The following SLC26A11 variants were observed in gnomAD, a reference collection of about 807,000 sequenced individuals.
SLC26A11 encodes the protein sodium-independent sulfate anion transporter.
A neutral mutation model predicts 62.2 loss-of-function variants in SLC26A11; 58 were observed. The observed-to-expected ratio is 0.93, with a 90% CI of 0.76 to 1.16. SLC26A11 has a LOEUF of 1.16. SLC26A11 is among the 50% of genes most tolerant of loss of function. SLC26A11 has a pLI of 0.00. For missense variants in SLC26A11, 790 were observed against 794.3 expected (o/e 0.99, Z 0.06); for synonymous variants, 411 against 368.9 (o/e 1.11, Z -1.31).
In SLC26A11 at chr17:80,241,739, C is replaced by T. The variant is rs760768528; in HGVS notation, c.986-32C>T. 1.9e-6 allele frequency: 3 copies of T among 1,609,824 alleles called. No homozygotes were observed. The South Asian group carries it at 3.3e-5, about 18-fold the overall frequency. On this transcript the variant is annotated intron_variant, in intron 9 of 17. Coordinates refer to ENST00000361193, the MANE Select transcript of SLC26A11 (RefSeq NM_001166347.2). ...ACTTTTTGAGCGATGTTGAATATTACTGACCAGGTCTTTACCGTTGGTTCC... is the reference window on the plus strand; with the variant it reads ...ACTTTTTGAGCGATGTTGAATATTATTGACCAGGTCTTTACCGTTGGTTCC...
chr17:80,237,203 G>C (rs1272419006), intron 8 of SLC26A11, 100 bp downstream of exon 8: 1 of 1,406,812 alleles, frequency 7.1e-7, no homozygotes, highest in Non-Finnish European at 9.6e-7. Context: ...GGGGTCTGAG[G>C]TCAGTTAGGA....
chr17:80,224,937 C>T (rs117954309), intron 5 of SLC26A11, among the ~76,000 whole-genome samples: 2,155 of 152,154 alleles, frequency 0.014, 31 homozygotes, highest in Non-Finnish European at 0.02. Context: ...ATGTCCTAAC[C>T]CCACCCACCC....
At chr17:80,245,154 G>A (rs1355264210) in intron 10 of SLC26A11, 42 bp from the exon 11 acceptor site, 1 of 1,592,322 alleles carries the variant, frequency 6.3e-7, no homozygotes, top group East Asian at 2.2e-5. Context: ...TCCATCCTGT[G>A]TGCCTTCCCT....
chr17:80,243,550 C>T (rs1286325195), intron 10 of SLC26A11, among the ~76,000 whole-genome samples: 2 of 152,184 alleles, frequency 1.3e-5, no homozygotes, highest in South Asian at 2.1e-4. Context: ...GGCACCTGCC[C>T]CTGAGCCTGG....
chr17:80,224,442 A>AGTGT (rs33961786), intron 5 of SLC26A11, among the ~76,000 whole-genome samples: 36,806 of 120,150 alleles, frequency 0.31, 4,971 homozygotes, highest in Admixed American at 0.46. Flanking sequence ...TGTGGGTGTG[A>AGTGT]GAGTGTGAGT....
intron 11 of SLC26A11, among the ~76,000 whole-genome samples, chr17:80,245,753 G>C (rs1180229768): frequency 6.6e-6 from 1 of 152,246 alleles, no homozygotes; most frequent in Non-Finnish European, 1.5e-5. Flanking sequence ...GCTTAGCCCA[G>C]ATGCCCTACG....
chr17:80,227,950 T>A lies in SLC26A11; in HGVS notation c.726T>A (p.Ala242=), dbSNP rs1440162139. Reference sequence around the variant, plus strand: ...GGCTCAGCCGTGGGCTGGTCTGGGCTGCCACGACAGGTGAGGGGCCTCTGG... The same window carrying A: ...GGCTCAGCCGTGGGCTGGTCTGGGCAGCCACGACAGGTGAGGGGCCTCTGG... ...GVRLSRGLVW[A]ATTARNALVV... Residue 242 remains alanine, a synonymous_variant, in exon 7 of 18, where the codon GCT becomes GCA. Transcript: ENST00000361193. 8.1e-6 allele frequency: 13 copies of A among 1,600,066 alleles called. No individual in the cohort carries two copies. The highest frequency in any genetic ancestry group is 1.1e-5 in the Non-Finnish European group (13 of 1,179,642).
rs375306420 is a variant in SLC26A11, at chr17:80,248,571, A to C, written c.1423-4A>C. On this transcript the variant is annotated splice_polypyrimidine_tract_variant and splice_region_variant and intron_variant, in intron 14 of 17. Transcript: ENST00000361193. ...CCGCCTCCAGGACTCACTCCTCCCC[A>C]CAGGTGTCAGAGGGGCCGGTTCTGG... is the stretch of plus-strand genomic sequence containing the variant. 5.1e-6 allele frequency: 8 copies of C among 1,574,546 alleles called. 1 individual carries two copies. Among genetic ancestry groups the C allele is most frequent in the Non-Finnish European group, 6.9e-6 (8 of 1,160,364 alleles).
intron 5 of SLC26A11, among the ~76,000 whole-genome samples, chr17:80,224,438 T>TGTGG (rs1430956028): frequency 8.6e-6 from 1 of 115,948 alleles, no homozygotes; most frequent in Non-Finnish European, 1.7e-5. Flanking sequence ...TGGGTGTGGG[T>TGTGG]GTGAGAGTGT....
chr17:80,224,383 G>A lies in SLC26A11; in HGVS notation c.513+1046G>A, dbSNP rs117687210. On this transcript the variant is annotated intron_variant, in intron 5 of 17. Coordinates refer to ENST00000361193, the MANE Select transcript of SLC26A11 (RefSeq NM_001166347.2). The stretch of plus-strand genomic sequence containing the variant: ...TGAGGGAGTGTGAGTGCGCGCGCGC[G>A]TGTGTGAGTGTATGAGTGTGAGAGT... Among the ~76,000 whole-genome samples the A allele has an allele frequency of 2.9e-3, 427 of 147,826 alleles. 8 individuals carry two copies. The East Asian group carries it at 0.051, about 18-fold the overall frequency.
In SLC26A11 at chr17:80,246,076, G is replaced by T; in HGVS notation, c.1098-78G>T. On this transcript the variant is annotated intron_variant, in intron 11 of 17. Coordinates refer to ENST00000361193, the MANE Select transcript of SLC26A11 (RefSeq NM_001166347.2). The surrounding 1 kb of genome is among the most constrained non-coding windows in gnomAD (Gnocchi z 4.4). ...GCTGGGAGCTGACGTCCCCTCGGAA[G>T]ATCAGCCACAGGAGTGTGGACTGAG... 2 of 1,538,564 alleles carry T rather than the reference G, an allele frequency of 1.3e-6. No individual in the cohort carries two copies. The highest frequency in any genetic ancestry group is 1.1e-5 in the South Asian group (1 of 89,532).
rs530931634 is a variant in SLC26A11 at position 80,223,940 on chromosome 17, G to A, written c.513+603G>A. ...AACTGTCCTTCTCCCAGCCATGGCC[G>A]CCCAGCATTGGGCTGGTGCAGTAGG... On this transcript the variant is annotated intron_variant, in intron 5 of 17. Transcript: ENST00000361193. The surrounding 1 kb of genome is among the most constrained non-coding windows in gnomAD (Gnocchi z 4.6). Among the ~76,000 whole-genome samples, 2 of 152,172 alleles carry A rather than the reference G, an allele frequency of 1.3e-5. No homozygotes were observed. The highest frequency in any genetic ancestry group is 2.4e-5 in the African/African-American group (1 of 41,422).
rs921798068 is a variant in SLC26A11 at position 80,220,442 on chromosome 17, C to T, written c.-268C>T. 5.6e-6 allele frequency: 5 copies of T among 887,750 alleles called. No homozygotes were observed. The highest frequency in any genetic ancestry group is 2.5e-5 in the South Asian group (1 of 40,460). 55.0% of individuals were successfully genotyped at this position (887,750 alleles called of 1,614,324 possible). A position where few individuals can be genotyped will look rare whatever the true frequency, so the allele number is the denominator to read the frequency against. ...CCGCCCCGGCCTGTCCCCGGCGATT[C>T]CTGCGGACCCAGCTGCGGCGACGCC... On this transcript the variant is annotated 5_prime_UTR_variant, in exon 1 of 18. Transcript: ENST00000361193.
intron 16 of SLC26A11, among the ~76,000 whole-genome samples, chr17:80,250,972 C>G (rs575470762): frequency 6.6e-6 from 1 of 151,568 alleles, no homozygotes; most frequent in African/African-American, 2.4e-5. Context: ...GAAACCCCAT[C>G]AAAAAAATAG....
In SLC26A11 at chr17:80,223,312, T is replaced by C; in HGVS notation, c.488T>C (p.Val163Ala). ...AAAGGCTTCACCTCTGCTGCTGCCGTCACCATCGGCTTTGGACAGATCAAG... is the reference window on the plus strand; with the variant it reads ...AAAGGCTTCACCTCTGCTGCTGCCGCCACCATCGGCTTTGGACAGATCAAG... ...VIKGFTSAAA[V>A]TIGFGQIKNL... The change falls in exon 5 of 18, where the codon GTC becomes GCC. Residue 163 changes from valine to alanine, a missense_variant. By Grantham distance (64) the Val-to-Ala change is moderately conservative (BLOSUM62 0). Coordinates refer to ENST00000361193, the MANE Select transcript of SLC26A11 (RefSeq NM_001166347.2). This position sits in a 1 kb window ranked among gnomAD's most constrained non-coding sequence, Gnocchi z 4.6. 1 of 1,614,162 alleles carries C rather than the reference T, an allele frequency of 6.2e-7. No individual in the cohort carries two copies. The highest frequency in any genetic ancestry group is 8.5e-7 in the Non-Finnish European group (1 of 1,180,022).
chr17:80,237,125 G>T (rs1392589262), intron 8 of SLC26A11, 22 bp downstream of exon 8: 1 of 1,600,948 alleles, frequency 6.2e-7, no homozygotes, highest in Admixed American at 1.7e-5. Context: ...CGGGAGGCAG[G>T]ATGGCGTGGC....
At chr17:80,245,320 AAGG>A in intron 11 of SLC26A11, 64 bp downstream of exon 11, 1 of 1,554,958 alleles carries the variant, frequency 6.4e-7, no homozygotes, top group Admixed American at 1.7e-5. Flanking sequence ...TTACGCTGAC[AAGG>A]AGTCTGCCTG....
intron 7 of SLC26A11, among the ~76,000 whole-genome samples, chr17:80,230,521 AAT>A (rs2144901414): frequency 6.6e-6 from 1 of 152,072 alleles, no homozygotes; most frequent in South Asian, 2.1e-4. Context: ...CAGTTGGAGG[AAT>A]TTTGGTGGGT....
At position 80,249,244 on chromosome 17, in the gene SLC26A11, A is replaced by G. The variant is rs751670813; in HGVS notation, c.1613A>G (p.Asp538Gly). ...CTGGGACTCGGCGAGCTCCTCCAGG[A>G]CTTCCAGAAGCAGGGCGTCGCCCTG... Reference protein sequence around the residue: ...VVLGLGELLQDFQKQGVALAF... With the variant: ...VVLGLGELLQGFQKQGVALAF... The change falls in exon 16 of 18, where the codon GAC becomes GGC. Residue 538 changes from aspartate (D) to glycine (G), a missense_variant. Asp to Gly is a moderately conservative substitution (Grantham distance 94, BLOSUM62 -1). Transcript: ENST00000361193. 1 of 1,611,630 alleles carries G rather than the reference A, an allele frequency of 6.2e-7. No homozygotes were observed. The highest frequency in any genetic ancestry group is 8.5e-7 in the Non-Finnish European group (1 of 1,179,996).
Sources: gnomAD v4.1 joint callset for allele counts (sites outside exome capture counted in the v4.1 genomes callset) on GRCh38, gnomAD v4.1.1 for gene constraint, Gnocchi (gnomAD v3.1) non-coding constraint, MANE v1.5 for transcripts, NCBI Gene and HGNC (gene_info 2026-07-23, HGNC 2026-07-21) for gene names.